The following NBAS variants were observed in gnomAD, a reference collection of about 807,000 sequenced individuals.
The protein encoded by NBAS is NBAS subunit of NRZ tethering complex, also known as NAG/BC035112 fusion.
A neutral mutation model predicts 302.5 loss-of-function variants in NBAS; 219 were observed. The observed-to-expected ratio is 0.72, with a 90% CI of 0.65 to 0.81. The LOEUF (loss-of-function observed/expected upper bound fraction) is 0.81, where lower values mean the gene tolerates loss of function less well. NBAS is among the 30% of genes least tolerant of loss of function. The pLI is 0.00. For missense variants in NBAS, 2,932 were observed against 2,841.6 expected (o/e 1.03, Z -0.72); for synonymous variants, 1,118 against 1,021.6 (o/e 1.09, Z -1.80).
At chr2:15,319,254 T>C (rs1366170678) in intron 38 of NBAS, among the ~76,000 whole-genome samples, 3 of 152,128 alleles carry the variant, frequency 2.0e-5, no homozygotes, top group African/African-American at 7.2e-5. Flanking sequence ...AAGCAGTGTG[T>C]AGAGGGAACT....
chr2:15,215,022 G>C (rs1666589930), intron 48 of NBAS, among the ~76,000 whole-genome samples: 1 of 151,954 alleles, frequency 6.6e-6, no homozygotes, highest in Non-Finnish European at 1.5e-5. Context: ...TTTTTCTAAA[G>C]GAATTAACCA....
At position 15,431,981 on chromosome 2, in the gene NBAS, T is replaced by C. The variant is rs1479935129; in HGVS notation, c.2340-4187A>G. Among the ~76,000 whole-genome samples, 4 of 152,154 alleles carry C rather than the reference T, an allele frequency of 2.6e-5. 1 individual carries two copies. Among genetic ancestry groups the C allele is most frequent in the South Asian group, 4.1e-4 (2 of 4,822 alleles). On this transcript the variant is annotated intron_variant, in intron 21 of 51. Transcript: ENST00000281513. Reference sequence around the variant, plus strand: ...TTCTTTCGTTAGGTAAGCAGAATGATAAAATGTTTAATAAAATTCAGAGAA... The same window carrying C: ...TTCTTTCGTTAGGTAAGCAGAATGACAAAATGTTTAATAAAATTCAGAGAA...
At chr2:14,843,553 CACAG>C in the NBAS span, among the ~76,000 whole-genome samples, 2 of 136,808 alleles carry the variant, frequency 1.5e-5, no homozygotes, top group East Asian at 3.9e-4. Context: ...TATCTACAGA[CACAG>C]ACACACACAC....
chr2:14,782,205 T>C, the NBAS span, among the ~76,000 whole-genome samples: 2 of 152,154 alleles, frequency 1.3e-5, no homozygotes, highest in Admixed American at 6.6e-5. Flanking sequence ...ATTTCTCTTA[T>C]AAAACATGCA....
chr2:14,835,733 A>C, the NBAS span, among the ~76,000 whole-genome samples: 1 of 151,518 alleles, frequency 6.6e-6, no homozygotes, highest in South Asian at 2.1e-4. Flanking sequence ...TTTTTTGTGG[A>C]TGTTTGAGTT....
At chr2:15,538,643 T>G (rs1187244453) in intron 7 of NBAS, among the ~76,000 whole-genome samples, 2 of 152,150 alleles carry the variant, frequency 1.3e-5, no homozygotes, top group Admixed American at 6.5e-5. Context: ...GGATAGAAAC[T>G]AAAAAGCACT....
the NBAS span, among the ~76,000 whole-genome samples, chr2:14,912,030 G>A: frequency 1.0e-3 from 154 of 152,270 alleles, no homozygotes; most frequent in African/African-American, 3.5e-3. Flanking sequence ...TACATGCCCG[G>A]GCTATAGGGT....
intron 50 of NBAS, chr2:15,180,098 G>A (rs992273898): frequency 5.3e-5 from 8 of 152,148 alleles, no homozygotes; most frequent in African/African-American, 9.7e-5. Flanking sequence ...ACAGCAGATC[G>A]GAGAAGAAAA....
chr2:15,534,436 G>A, intron 9 of NBAS, 107 bp downstream of exon 9: 2 of 842,810 alleles, frequency 2.4e-6, no homozygotes, highest in East Asian at 4.9e-5. Flanking sequence ...CTACGCACAA[G>A]AGGAGGAAAT....
intron 40 of NBAS, among the ~76,000 whole-genome samples, chr2:15,301,526 A>T (rs138825099): frequency 3.5e-4 from 53 of 152,332 alleles, no homozygotes; most frequent in African/African-American, 1.3e-3. Flanking sequence ...AGCAGACAGG[A>T]ACTGGTGTCC....
At chr2:15,092,019 C>A in the NBAS span, among the ~76,000 whole-genome samples, 2 of 152,190 alleles carry the variant, frequency 1.3e-5, no homozygotes, top group South Asian at 4.1e-4. Context: ...GATTTTTTGA[C>A]TGCCAGAAGG....
chr2:15,251,958 T>C (rs1369060245), intron 44 of NBAS, among the ~76,000 whole-genome samples: 3 of 152,170 alleles, frequency 2.0e-5, no homozygotes, highest in Non-Finnish European at 4.4e-5. Flanking sequence ...AGTAACAGTC[T>C]GTCAGAGAAT....
the NBAS span, among the ~76,000 whole-genome samples, chr2:15,031,067 A>G: frequency 6.6e-6 from 1 of 152,256 alleles, no homozygotes. Context: ...TTACAAATAT[A>G]AAAAGAGAAA....
intron 41 of NBAS, among the ~76,000 whole-genome samples, chr2:15,287,694 C>A (rs531185121): frequency 6.6e-6 from 1 of 151,726 alleles, no homozygotes; most frequent in East Asian, 2.0e-4. Flanking sequence ...ATCCCGAACA[C>A]CCGCAGACAT....
chr2:15,368,021 C>T (rs920204408), intron 31 of NBAS, among the ~76,000 whole-genome samples: 5 of 152,086 alleles, frequency 3.3e-5, no homozygotes, highest in Non-Finnish European at 7.4e-5. Flanking sequence ...AATACATACA[C>T]ATATTTATAA....
intron 51 of NBAS, among the ~76,000 whole-genome samples, chr2:15,173,044 T>C (rs946832278): frequency 1.3e-5 from 2 of 152,216 alleles, no homozygotes; most frequent in African/African-American, 4.8e-5. Flanking sequence ...CTGATGTTAA[T>C]ACAGGCAAAC....
At chr2:15,406,109 A>AC (rs1295104577) in intron 25 of NBAS, among the ~76,000 whole-genome samples, 2 of 150,164 alleles carry the variant, frequency 1.3e-5, no homozygotes, top group Non-Finnish European at 3.0e-5. Flanking sequence ...CATGTAAAAA[A>AC]AAAAAACAAA....
At chr2:15,527,242 C>A (rs563222682) in intron 9 of NBAS, among the ~76,000 whole-genome samples, 2 of 152,236 alleles carry the variant, frequency 1.3e-5, no homozygotes, top group South Asian at 4.2e-4. Context: ...GTCCTCAGAG[C>A]CAGAGCTCAT....
the NBAS span, among the ~76,000 whole-genome samples, chr2:15,088,551 G>A: frequency 6.6e-6 from 1 of 152,144 alleles, no homozygotes; most frequent in African/African-American, 2.4e-5. Context: ...CTCAGGGCCA[G>A]AGAGCATGGC....
Sources: gnomAD v4.1 joint callset for allele counts (sites outside exome capture counted in the v4.1 genomes callset) on GRCh38, gnomAD v4.1.1 for gene constraint, MANE v1.5 for transcripts, NCBI Gene and HGNC (gene_info 2026-07-23, HGNC 2026-07-21) for gene names.